NDUFA5: variants seen among roughly 807,000 people sequenced by gnomAD.
NDUFA5 encodes NADH dehydrogenase [ubiquinone] 1 alpha subcomplex subunit 5.
In NDUFA5, 11 loss-of-function variants were observed where a neutral mutation model predicts 19.8. The observed-to-expected ratio is 0.56, with a 90% CI of 0.35 to 0.92. The LOEUF is 0.92. Ranked by LOEUF, NDUFA5 falls within the 40% of genes least tolerant of loss-of-function variation. The probability of loss-of-function intolerance (pLI) is 0.01; values close to 1 mark genes in which losing one functional copy is unlikely to be tolerated. For missense variants in NDUFA5, 109 were observed against 134.2 expected (o/e 0.81, Z 0.93); for synonymous variants, 47 against 46.8 (o/e 1.00, Z -0.01).
chr7:123,571,682 T>C, the NDUFA5 span, among the ~76,000 whole-genome samples: 1 of 152,200 alleles, frequency 6.6e-6, no homozygotes, highest in Non-Finnish European at 1.5e-5. Flanking sequence ...TAACCAGCAA[T>C]GTAAAAGAGA....
chr7:123,592,264 A>AT, the NDUFA5 span, among the ~76,000 whole-genome samples: 3 of 150,330 alleles, frequency 2.0e-5, no homozygotes, highest in Admixed American at 6.6e-5. Flanking sequence ...GGATTCATTG[A>AT]TTTTTTGTGT....
chr7:123,593,311 A>G, the NDUFA5 span, among the ~76,000 whole-genome samples: 2 of 152,174 alleles, frequency 1.3e-5, no homozygotes, highest in East Asian at 3.9e-4. Flanking sequence ...TGATCCTGCC[A>G]TTATAATGTT....
chr7:123,550,012 A>C (rs1409739952), intron 3 of NDUFA5: 1 of 157,626 alleles, frequency 6.3e-6, no homozygotes, highest in Non-Finnish European at 1.4e-5. Flanking sequence ...CAATAGTACA[A>C]TATAGTTTGG....
chr7:123,579,494 T>C, the NDUFA5 span, among the ~76,000 whole-genome samples: 11 of 152,112 alleles, frequency 7.2e-5, no homozygotes, highest in African/African-American at 2.4e-4. Context: ...TCTCTATAAA[T>C]AGTCTCAAAA....
chr7:123,585,921 A>C, the NDUFA5 span, among the ~76,000 whole-genome samples: 35 of 151,768 alleles, frequency 2.3e-4, no homozygotes, highest in South Asian at 8.3e-4. Flanking sequence ...TTTTTTCTTA[A>C]GGTTGAGTAA....
chr7:123,548,806 T>C (rs562423711), intron 3 of NDUFA5, among the ~76,000 whole-genome samples: 2 of 145,206 alleles, frequency 1.4e-5, no homozygotes, highest in East Asian at 1.9e-4. Flanking sequence ...ATCCTTAAAC[T>C]CAGCCTTTGA....
chr7:123,597,250 GC>G, the NDUFA5 span, among the ~76,000 whole-genome samples: 1 of 152,100 alleles, frequency 6.6e-6, no homozygotes, highest in Non-Finnish European at 1.5e-5. Flanking sequence ...TATGTCACCA[GC>G]CTATCTGAAC....
the NDUFA5 span, among the ~76,000 whole-genome samples, chr7:123,593,223 C>A: frequency 6.6e-6 from 1 of 152,092 alleles, no homozygotes; most frequent in Admixed American, 6.6e-5. Context: ...GACTTTTTAT[C>A]CAATTTGCCA....
the NDUFA5 span, among the ~76,000 whole-genome samples, chr7:123,586,806 A>G: frequency 1.3e-5 from 2 of 151,754 alleles, no homozygotes; most frequent in African/African-American, 4.8e-5. Context: ...TGAAAAGACT[A>G]TCGTTTCCTC....
At chr7:123,573,245 T>C in the NDUFA5 span, among the ~76,000 whole-genome samples, 1 of 150,270 alleles carries the variant, frequency 6.7e-6, no homozygotes, top group Non-Finnish European at 1.5e-5. Context: ...TCACCAAGCT[T>C]CCCCCCCGCC....
At chr7:123,598,597 C>A in the NDUFA5 span, among the ~76,000 whole-genome samples, 7 of 152,144 alleles carry the variant, frequency 4.6e-5, no homozygotes, top group Non-Finnish European at 8.8e-5. Flanking sequence ...GAAATAACTG[C>A]GAACCCATTT....
intron 3 of NDUFA5, among the ~76,000 whole-genome samples, chr7:123,546,162 G>A (rs757683304): frequency 6.6e-6 from 1 of 152,044 alleles, no homozygotes; most frequent in Non-Finnish European, 1.5e-5. Flanking sequence ...ATCTGTAATA[G>A]AATGGATCAA....
the NDUFA5 span, among the ~76,000 whole-genome samples, chr7:123,592,978 G>T: frequency 6.6e-6 from 1 of 151,884 alleles, no homozygotes. Context: ...TATATATTTA[G>T]GATAGTTAGT....
At chr7:123,565,624 T>C in the NDUFA5 span, among the ~76,000 whole-genome samples, 1 of 152,194 alleles carries the variant, frequency 6.6e-6, no homozygotes, top group African/African-American at 2.4e-5. Flanking sequence ...CTCACGCCTG[T>C]AATCCCAGCA....
At chr7:123,587,317 G>C in the NDUFA5 span, among the ~76,000 whole-genome samples, 2 of 151,410 alleles carry the variant, frequency 1.3e-5, no homozygotes, top group Non-Finnish European at 3.0e-5. Flanking sequence ...TTGTATATGG[G>C]ATTTTATTAA....
At chr7:123,543,357 C>G (rs1448134999) in intron 4 of NDUFA5, among the ~76,000 whole-genome samples, 1 of 152,090 alleles carries the variant, frequency 6.6e-6, no homozygotes, top group African/African-American at 2.4e-5. Flanking sequence ...GCACCTGGCC[C>G]CTGATGCCTA....
chr7:123,567,547 T>C, the NDUFA5 span, among the ~76,000 whole-genome samples: 34 of 152,228 alleles, frequency 2.2e-4, no homozygotes, highest in Admixed American at 2.2e-3. Flanking sequence ...TGTGAGGGAC[T>C]GGGTCCTACC....
At chr7:123,579,495 A>G in the NDUFA5 span, among the ~76,000 whole-genome samples, 18 of 152,122 alleles carry the variant, frequency 1.2e-4, no homozygotes, top group Non-Finnish European at 2.4e-4. Flanking sequence ...CTCTATAAAT[A>G]GTCTCAAAAA....
chr7:123,580,977 GAAACC>G, the NDUFA5 span, among the ~76,000 whole-genome samples: 2,199 of 151,996 alleles, frequency 0.014, 49 homozygotes, highest in African/African-American at 0.049. Flanking sequence ...TACAGAACAG[GAAACC>G]AAACCAACAG....
Sources: allele counts gnomAD v4.1 joint callset (sites outside exome capture counted in the v4.1 genomes callset), GRCh38; gene constraint gnomAD v4.1.1; transcripts MANE v1.5; gene names NCBI Gene and HGNC (gene_info 2026-07-23, HGNC 2026-07-21).